The following NKAIN2 variants were observed in gnomAD, a reference collection of about 807,000 sequenced individuals.
NKAIN2 encodes sodium/potassium transporting ATPase interacting 2.
Under a neutral mutation model 32.6 loss-of-function variants are expected in NKAIN2, and 14 were observed. That is an observed-to-expected ratio of 0.43 (90% CI 0.28 to 0.67). The LOEUF is 0.67. Among genes scored for constraint, NKAIN2 ranks in the 30% least tolerant of loss-of-function variants. The pLI is 0.17. For missense variants in NKAIN2, 198 were observed against 258.3 expected, an observed-to-expected ratio of 0.77 and a Z score of 1.60; for synonymous variants, 80 against 87.2, an observed-to-expected ratio of 0.92 and a Z score of 0.46.
At chr6:124,393,191 CAAGA>C (rs2114422947) in intron 3 of NKAIN2, among the ~76,000 whole-genome samples, 1 of 152,128 alleles carries the variant, frequency 6.6e-6, no homozygotes, top group South Asian at 2.1e-4. Flanking sequence ...TTCACGTGAG[CAAGA>C]AAGAAGACTT....
At chr6:124,696,560 C>T (rs56165757) in intron 4 of NKAIN2, among the ~76,000 whole-genome samples, 9,901 of 152,098 alleles carry the variant, frequency 0.065, 479 homozygotes, top group African/African-American at 0.13. Context: ...CTGATATTGC[C>T]TCATAGCTGG....
intron 1 of NKAIN2, among the ~76,000 whole-genome samples, chr6:123,955,193 AACC>A (rs1340017154): frequency 1.5e-5 from 2 of 135,060 alleles, no homozygotes; most frequent in Non-Finnish European, 3.1e-5. Context: ...GATACAGAAA[AACC>A]AAAAAAAAAA....
At chr6:123,996,528 A>G (rs1779627384) in intron 1 of NKAIN2, among the ~76,000 whole-genome samples, 1 of 152,146 alleles carries the variant, frequency 6.6e-6, no homozygotes, top group South Asian at 2.1e-4. Flanking sequence ...CAAATTTTAC[A>G]TTCTAACTTC....
intron 1 of NKAIN2, among the ~76,000 whole-genome samples, chr6:124,058,901 T>C (rs182897702): frequency 1.3e-5 from 2 of 152,194 alleles, no homozygotes; most frequent in East Asian, 3.9e-4. Context: ...AAATATGTGC[T>C]TTCTGTTCCT....
intron 1 of NKAIN2, among the ~76,000 whole-genome samples, chr6:124,224,950 G>A (rs1191425681): frequency 6.6e-6 from 1 of 152,016 alleles, no homozygotes; most frequent in African/African-American, 2.4e-5. Flanking sequence ...ATCCAGTCAA[G>A]TATTACAGTC....
intron 3 of NKAIN2, among the ~76,000 whole-genome samples, chr6:124,610,278 G>A (rs1782643212): frequency 6.6e-6 from 1 of 152,062 alleles, no homozygotes; most frequent in African/African-American, 2.4e-5. Flanking sequence ...TGATTATATG[G>A]TATTATCTAG....
intron 1 of NKAIN2, among the ~76,000 whole-genome samples, chr6:124,244,210 AG>A (rs1428743656): frequency 6.7e-6 from 1 of 150,322 alleles, no homozygotes; most frequent in African/African-American, 2.4e-5. Flanking sequence ...ATCTAGCATT[AG>A]GTATATCTCC....
At chr6:124,762,941 A>C (rs17773795) in intron 4 of NKAIN2, among the ~76,000 whole-genome samples, 19,895 of 152,234 alleles carry the variant, frequency 0.13, 1,636 homozygotes, top group South Asian at 0.21. Context: ...CAGTGACAGG[A>C]AAGAATTAAA....
At chr6:124,232,404 G>T (rs996016520) in intron 1 of NKAIN2, among the ~76,000 whole-genome samples, 1 of 152,112 alleles carries the variant, frequency 6.6e-6, no homozygotes, top group African/African-American at 2.4e-5. Context: ...CAGAGAACAA[G>T]CCATGAAAGA....
At chr6:124,080,633 A>G (rs1421474395) in intron 1 of NKAIN2, among the ~76,000 whole-genome samples, 1 of 152,134 alleles carries the variant, frequency 6.6e-6, no homozygotes, top group Non-Finnish European at 1.5e-5. Flanking sequence ...AAGGAAAAGG[A>G]AAAGGAAGAA....
At chr6:124,153,574 C>T (rs1787838298) in intron 1 of NKAIN2, among the ~76,000 whole-genome samples, 1 of 151,612 alleles carries the variant, frequency 6.6e-6, no homozygotes, top group Non-Finnish European at 1.5e-5. Context: ...GTGTTGTAGT[C>T]TTGCACATAT....
chr6:124,160,036 C>T (rs929002049), intron 1 of NKAIN2, among the ~76,000 whole-genome samples: 1 of 152,096 alleles, frequency 6.6e-6, no homozygotes, highest in Non-Finnish European at 1.5e-5. Flanking sequence ...CTGAGTAAAG[C>T]AATGCCAGTT....
intron 3 of NKAIN2, among the ~76,000 whole-genome samples, chr6:124,404,327 T>C (rs749685899): frequency 3.3e-5 from 5 of 152,114 alleles, no homozygotes; most frequent in African/African-American, 7.2e-5. Context: ...TCACCAGGGA[T>C]CACTTTTTGT....
chr6:124,035,391 G>A (rs2114796638), intron 1 of NKAIN2, among the ~76,000 whole-genome samples: 1 of 152,174 alleles, frequency 6.6e-6, no homozygotes, highest in Middle Eastern at 3.4e-3. Context: ...AGCCTTCAAT[G>A]TCTCTTTAAT....
At chr6:124,139,720 A>AT (rs967908211) in intron 1 of NKAIN2, among the ~76,000 whole-genome samples, 34 of 152,118 alleles carry the variant, frequency 2.2e-4, no homozygotes, top group Non-Finnish European at 2.5e-4. Flanking sequence ...GTCTTAATAT[A>AT]TTTTTTTCCT....
At chr6:124,383,981 T>A (rs190298405) in intron 3 of NKAIN2, among the ~76,000 whole-genome samples, 1 of 152,280 alleles carries the variant, frequency 6.6e-6, no homozygotes, top group Admixed American at 6.5e-5. Context: ...ACAATGCAAA[T>A]ATGAGTTGAT....
rs191335883 is a variant in NKAIN2 at position 124,606,580 on chromosome 6, T to C, written c.274-51606T>C. The stretch of plus-strand genomic sequence containing the variant: ...TATCCAAATGAAAGATAATTTTTAA[T>C]TGAAGAAAATTACAATTTCACAATT... On this transcript the variant is annotated intron_variant, in intron 3 of 6. Transcript: ENST00000368417. 2.4e-3 allele frequency among the ~76,000 whole-genome samples: 367 copies of C among 152,214 alleles called. 1 individual carries two copies. Among genetic ancestry groups the C allele is most frequent in the Middle Eastern group, 0.02 (6 of 294 alleles).
chr6:124,593,851 C>A (rs1022442661), intron 3 of NKAIN2, among the ~76,000 whole-genome samples: 35 of 152,080 alleles, frequency 2.3e-4, no homozygotes, highest in Admixed American at 7.9e-4. Context: ...GGGAGGGGAG[C>A]CTGAAGAGGC....
intron 3 of NKAIN2, among the ~76,000 whole-genome samples, chr6:124,474,975 G>T (rs188566512): frequency 2.0e-5 from 3 of 148,216 alleles, no homozygotes; most frequent in African/African-American, 7.4e-5. Flanking sequence ...GTATAGACAC[G>T]CATGCATATA....
Sources: gnomAD v4.1 joint callset for allele counts (sites outside exome capture counted in the v4.1 genomes callset) on GRCh38, gnomAD v4.1.1 for gene constraint, MANE v1.5 for transcripts, NCBI Gene and HGNC (gene_info 2026-07-23, HGNC 2026-07-21) for gene names.